The following CA1 variants were observed in gnomAD, a reference collection of about 807,000 sequenced individuals.
CA1 encodes the protein carbonic anhydrase 1, also known as carbonate dehydratase I.
Under a neutral mutation model 28.8 loss-of-function variants are expected in CA1, and 27 were observed. The observed-to-expected ratio is 0.94, with a 90% CI of 0.69 to 1.29. The LOEUF (loss-of-function observed/expected upper bound fraction) is 1.29. Among genes scored for constraint, CA1 ranks in the 50% most tolerant of loss-of-function variants. The pLI is 0.00. For synonymous variants in CA1, 121 were observed against 108.8 expected (o/e 1.11, Z -0.70); for missense variants, 335 against 310.5 (o/e 1.08, Z -0.59).
intron 2 of CA1, among the ~76,000 whole-genome samples, chr8:85,340,100 A>G (rs1808854331): frequency 6.6e-6 from 1 of 152,264 alleles, no homozygotes; most frequent in Non-Finnish European, 1.5e-5. Flanking sequence ...AGAGCAGACA[A>G]AACAGCCTTC....
At chr8:85,338,696 C>G in intron 2 of CA1, among the ~76,000 whole-genome samples, 1 of 106,200 alleles carries the variant, frequency 9.4e-6, no homozygotes. Context: ...TTCTTTCTCT[C>G]TCTCTCTTTC....
At chr8:85,333,673 G>A in intron 4 of CA1, 53 bp from the exon 5 acceptor site, 1 of 1,187,852 alleles carries the variant, frequency 8.4e-7, no homozygotes, top group Non-Finnish European at 1.2e-6. Flanking sequence ...GATGAAAAAA[G>A]ATAAGTTATA....
chr8:85,362,825 A>T (rs1051411363), intron 1 of CA1, among the ~76,000 whole-genome samples: 1 of 152,202 alleles, frequency 6.6e-6, no homozygotes, highest in Non-Finnish European at 1.5e-5. Flanking sequence ...TGAAATTTTT[A>T]GGCAGATAAC....
At chr8:85,330,668 A>G (rs945970113) in intron 6 of CA1, among the ~76,000 whole-genome samples, 14 of 152,172 alleles carry the variant, frequency 9.2e-5, no homozygotes, top group African/African-American at 3.4e-4. Flanking sequence ...TCCTAAAGAA[A>G]GGGCATTAAC....
chr8:85,333,172 T>G (rs1808484376), intron 5 of CA1, among the ~76,000 whole-genome samples: 1 of 152,178 alleles, frequency 6.6e-6, no homozygotes, highest in Admixed American at 6.5e-5. Context: ...TATTAATATT[T>G]AATAATATTT....
rs749782178 is a variant in CA1, at chr8:85,332,561, T to A, written c.451-9A>T. 2 of 1,606,178 alleles carry A rather than the reference T, an allele frequency of 1.2e-6. No individual in the cohort carries two copies. Among genetic ancestry groups the A allele is most frequent in the Non-Finnish European group, 1.7e-6 (2 of 1,173,298 alleles). ...GGGTTGGCCTCACCAACCTGGAGAT[T>A]TAAGAAAATAAAGTATGAGATAAAG... is the stretch of plus-strand genomic sequence containing the variant. On this transcript the variant is annotated splice_polypyrimidine_tract_variant and intron_variant, in intron 5 of 7. Coordinates refer to ENST00000523022, the MANE Select transcript of CA1 (RefSeq NM_001128831.4).
At chr8:85,368,252 C>G (rs760136272) in intron 1 of CA1, among the ~76,000 whole-genome samples, 3 of 152,068 alleles carry the variant, frequency 2.0e-5, no homozygotes, top group Non-Finnish European at 4.4e-5. Flanking sequence ...ACCACAAACT[C>G]TGTCTCCCAG....
chr8:85,369,583 C>A (rs577442530), intron 1 of CA1, among the ~76,000 whole-genome samples: 4 of 152,230 alleles, frequency 2.6e-5, no homozygotes, highest in East Asian at 3.9e-4. Flanking sequence ...GTAGGGCCAA[C>A]AAGAAGGAGA....
rs552894255 is a variant in CA1, at chr8:85,328,447, T to G, written c.*113A>C. 3.0e-6 allele frequency: 2 copies of G among 673,518 alleles called. No individual in the cohort carries two copies. Among genetic ancestry groups the G allele is most frequent in the South Asian group, 3.7e-5 (2 of 54,794 alleles). The allele number at this position is 673,518 out of a possible 1,614,324, so 41.7% of individuals were successfully genotyped here. A position where few individuals can be genotyped will look rare whatever the true frequency, so the allele number is the denominator to read the frequency against. On this transcript the variant is annotated 3_prime_UTR_variant, in exon 8 of 8. Coordinates refer to ENST00000523022, the MANE Select transcript of CA1 (RefSeq NM_001128831.4). ...AGTTTTACAGATTGATTTGAAGGCA[T>G]GCTGTCTTGCTAATATTGAAATAAA... is the stretch of plus-strand genomic sequence containing the variant.
At chr8:85,357,298 G>A (rs960296393) in intron 1 of CA1, among the ~76,000 whole-genome samples, 7 of 152,130 alleles carry the variant, frequency 4.6e-5, no homozygotes, top group Admixed American at 1.3e-4. Context: ...CAAAGGCAAC[G>A]TGTCTGGTAG....
chr8:85,344,272 TA>T (rs1266636084), intron 1 of CA1, among the ~76,000 whole-genome samples: 3 of 73,858 alleles, frequency 4.1e-5, no homozygotes, highest in Non-Finnish European at 8.3e-5. Flanking sequence ...ATATAATATA[TA>T]ATTATATATT....
intron 3 of CA1, 165 bp from the exon 4 acceptor site, chr8:85,337,228 A>G: frequency 1.5e-6 from 1 of 656,058 alleles, no homozygotes; most frequent in Non-Finnish European, 2.8e-6. Flanking sequence ...GATGACAGTC[A>G]TATGTATGGT....
At chr8:85,376,097 C>A (rs1166721712) in intron 1 of CA1, among the ~76,000 whole-genome samples, 1 of 152,040 alleles carries the variant, frequency 6.6e-6, no homozygotes, top group Non-Finnish European at 1.5e-5. Context: ...TTGGAAGGTC[C>A]AAGCTGGTGG....
rs576142434 is a variant in CA1, at chr8:85,345,619, A to G, written c.-24-3960T>C. 3.9e-5 allele frequency among the ~76,000 whole-genome samples: 6 copies of G among 152,280 alleles called. No homozygotes were observed. The South Asian group carries it at 1.2e-3, about 32-fold the overall frequency. ...TCATTTTAAATTTAAACTATTGTAT[A>G]TTTTTAAAGATGTAGAAGAGCAGAA... On this transcript the variant is annotated intron_variant, in intron 1 of 7. Transcript: ENST00000523022.
intron 4 of CA1, among the ~76,000 whole-genome samples, chr8:85,336,069 A>G (rs1440805848): frequency 1.3e-5 from 2 of 152,200 alleles, no homozygotes; most frequent in African/African-American, 2.4e-5. Flanking sequence ...ATATGTTGTG[A>G]TTGTTCATCA....
At chr8:85,330,591 A>G (rs1295207602) in intron 6 of CA1, among the ~76,000 whole-genome samples, 1 of 152,136 alleles carries the variant, frequency 6.6e-6, no homozygotes, top group African/African-American at 2.4e-5. Flanking sequence ...ATGTTGATAC[A>G]AGTTTCTAGG....
intron 1 of CA1, among the ~76,000 whole-genome samples, chr8:85,374,020 C>T (rs1248821487): frequency 2.6e-5 from 4 of 152,036 alleles, no homozygotes; most frequent in Non-Finnish European, 5.9e-5. Context: ...GGGGGTTGCA[C>T]AGCAACGTCA....
chr8:85,345,588 A>G (rs1244600231), intron 1 of CA1, among the ~76,000 whole-genome samples: 1 of 152,190 alleles, frequency 6.6e-6, no homozygotes, highest in Non-Finnish European at 1.5e-5. Context: ...GAGAATAATT[A>G]AATGGTCATT....
chr8:85,344,928 T>C (rs190908854), intron 1 of CA1, among the ~76,000 whole-genome samples: 69 of 152,338 alleles, frequency 4.5e-4, no homozygotes, highest in African/African-American at 1.1e-3. Context: ...AAATTTGGCC[T>C]GACTCTCACA....
Sources: allele counts gnomAD v4.1 joint callset (sites outside exome capture counted in the v4.1 genomes callset), GRCh38; gene constraint gnomAD v4.1.1; transcripts MANE v1.5; gene names NCBI Gene and HGNC (gene_info 2026-07-23, HGNC 2026-07-21).